The following IVD variants were observed in gnomAD, a reference collection of about 807,000 sequenced individuals.
IVD encodes isovaleryl-CoA dehydrogenase, also known as isovaleryl-CoA dehydrogenase, mitochondrial.
Under a neutral mutation model 51.3 loss-of-function variants are expected in IVD, and 31 were observed. The observed-to-expected ratio is 0.60, with a 90% CI of 0.45 to 0.81. IVD has a LOEUF of 0.81. IVD is among the 40% of genes least tolerant of loss of function. The pLI is 0.00. For missense variants in IVD, 475 were observed against 552.0 expected (o/e 0.86, Z 1.40); for synonymous variants, 205 against 219.4 (o/e 0.93, Z 0.58).
chr15:40,430,998 G>A (rs1892939238), intron 7 of IVD, among the ~76,000 whole-genome samples: 2 of 152,188 alleles, frequency 1.3e-5, no homozygotes, highest in South Asian at 2.1e-4. Flanking sequence ...ATTTGAATGA[G>A]TTGCTAACAG....
intron 7 of IVD, 31 bp from the exon 8 acceptor site, chr15:40,414,858 C>G (rs746878403): frequency 8.7e-6 from 14 of 1,613,316 alleles, no homozygotes; most frequent in Admixed American, 6.7e-5. Context: ...GTGGACAGCT[C>G]TCTCCCTCTG....
intron 9 of IVD, 41 bp downstream of exon 9, chr15:40,415,523 G>A (rs1291944509): frequency 6.4e-7 from 1 of 1,557,720 alleles, no homozygotes; most frequent in African/African-American, 1.4e-5. Flanking sequence ...CTTCAACTGG[G>A]CTAAAGTTTT....
rs1891951739 is a variant in IVD, at chr15:40,418,432, TGGGCCTCGCAGCC to T, written c.*176_*188del. Reference sequence around the variant, plus strand: ...TCTCCACAACAGCTCCCAAGCATCATGGGCCTCGCAGCCGGGCCTGTGCCACGGCTAGTGTTGT... The same window carrying T: ...TCTCCACAACAGCTCCCAAGCATCATGGGCCTGTGCCACGGCTAGTGTTGT... On this transcript the variant is annotated 3_prime_UTR_variant, in exon 12 of 12. Transcript: ENST00000487418. The T allele has an allele frequency of 6.6e-7, 1 of 1,523,660 alleles. No individual in the cohort carries two copies. The allele number at this position is 1,523,660 out of a possible 1,614,324, so 94.4% of individuals were successfully genotyped here. A position where few individuals can be genotyped will look rare whatever the true frequency, so the allele number is the denominator to read the frequency against.
chr15:40,419,401 C>T lies in IVD; in HGVS notation c.*1138C>T. On this transcript the variant is annotated 3_prime_UTR_variant, in exon 12 of 12. Transcript: ENST00000487418. ...TGGTGCACGTCTGTAATCCCAGCTACTCAGGAGGCTGAGGCAGGAGAATCA... is the reference window on the plus strand; with the variant it reads ...TGGTGCACGTCTGTAATCCCAGCTATTCAGGAGGCTGAGGCAGGAGAATCA... 1 of 350,262 alleles carries T rather than the reference C, an allele frequency of 2.9e-6. No homozygotes were observed. Among genetic ancestry groups the T allele is most frequent in the Non-Finnish European group, 5.4e-6 (1 of 184,610 alleles). 21.7% of individuals were successfully genotyped at this position (350,262 alleles called of 1,614,324 possible). A position where few individuals can be genotyped will look rare whatever the true frequency, so the allele number is the denominator to read the frequency against.
chr15:40,421,106 G>A lies in IVD; in HGVS notation c.*2843G>A, dbSNP rs567923322. On this transcript the variant is annotated 3_prime_UTR_variant, in exon 12 of 12. Transcript: ENST00000487418. Reference sequence around the variant, plus strand: ...ACTTCCTTGTCTTGCTCCCTGCTATGTTGGAGATGAATGTGACTAAAAGGG... The same window carrying A: ...ACTTCCTTGTCTTGCTCCCTGCTATATTGGAGATGAATGTGACTAAAAGGG... 2.2e-5 allele frequency: 22 copies of A among 985,422 alleles called. No homozygotes were observed. In the African/African-American group the frequency reaches 3.8e-4, roughly 17 times the overall value. 61.0% of individuals were successfully genotyped at this position (985,422 alleles called of 1,614,324 possible).
downstream of IVD, among the ~76,000 whole-genome samples, chr15:40,426,264 G>A (rs921537856): frequency 6.6e-6 from 1 of 152,064 alleles, no homozygotes; most frequent in Non-Finnish European, 1.5e-5. Context: ...CTGGCCAGAC[G>A]CGGTGGCTTA....
At position 40,421,147 on chromosome 15, in the gene IVD, A is replaced by C. The variant is rs1892262977; in HGVS notation, c.*2884A>C. ...ACTAAAAGGGCCATCTTGCTGGCTT[A>C]ATGTGTGGCTGGAGAGACCAGCCTG... On this transcript the variant is annotated 3_prime_UTR_variant, in exon 12 of 12. Coordinates refer to ENST00000487418, the MANE Select transcript of IVD (RefSeq NM_002225.5). 2.0e-6 allele frequency: 2 copies of C among 985,514 alleles called. No homozygotes were observed. Among genetic ancestry groups the C allele is most frequent in the Non-Finnish European group, 2.4e-6 (2 of 829,982 alleles). The allele number at this position is 985,514 out of a possible 1,614,324, so 61.0% of individuals were successfully genotyped here.
chr15:40,405,914 C>A lies in IVD; in HGVS notation c.87C>A (p.Ala29=), dbSNP rs751297903. Residue 29 remains alanine, a synonymous_variant, in exon 1 of 12, where the codon GCC becomes GCA. Transcript: ENST00000487418. Reference sequence around the variant, plus strand: ...TTGCCGGCTTCGTTTCCCAGCGGGCCCACTCGCTTTTGCCCGTGGACGATG... The same window carrying A: ...TTGCCGGCTTCGTTTCCCAGCGGGCACACTCGCTTTTGCCCGTGGACGATG... The part of the protein sequence containing the change: ...PPLAGFVSQR[A]HSLLPVDDAI... 6.2e-7 allele frequency: 1 copy of A among 1,613,190 alleles called. No individual in the cohort carries two copies. The highest frequency in any genetic ancestry group is 2.2e-5 in the East Asian group (1 of 44,880).
intron 6 of IVD, among the ~76,000 whole-genome samples, 156 bp downstream of exon 6, chr15:40,411,847 A>G (rs1891123723): frequency 1.3e-5 from 2 of 152,232 alleles, no homozygotes; most frequent in Non-Finnish European, 2.9e-5. Context: ...AAGGAGGGTG[A>G]CCAAAAGTCC....
chr15:40,422,498 T>C (rs978870525), downstream of IVD, among the ~76,000 whole-genome samples: 2 of 149,572 alleles, frequency 1.3e-5, no homozygotes, highest in Non-Finnish European at 3.0e-5. Flanking sequence ...TTAGCCAGGA[T>C]GGTCTCGATC....
chr15:40,418,449 C>T lies in IVD; in HGVS notation c.*186C>T. 9 of 1,485,788 alleles carry T rather than the reference C, an allele frequency of 6.1e-6. No homozygotes were observed. The highest frequency in any genetic ancestry group is 1.3e-5 in the South Asian group (1 of 79,350). The allele number at this position is 1,485,788 out of a possible 1,614,324, so 92.0% of individuals were successfully genotyped here. On this transcript the variant is annotated 3_prime_UTR_variant, in exon 12 of 12. Transcript: ENST00000487418. ...AAGCATCATGGGCCTCGCAGCCGGG[C>T]CTGTGCCACGGCTAGTGTTGTGTGA...
intron 8 of IVD, among the ~76,000 whole-genome samples, chr15:40,434,863 T>G (rs1893180544): frequency 6.6e-6 from 1 of 152,230 alleles, no homozygotes; most frequent in South Asian, 2.1e-4. Flanking sequence ...GAGGCTTCAC[T>G]GACACCCTCA....
At position 40,405,986 on chromosome 15, in the gene IVD, C is replaced by T; in HGVS notation, c.144+15C>T. The T allele has an allele frequency of 1.3e-6, 2 of 1,543,374 alleles. No individual in the cohort carries two copies. Among genetic ancestry groups the T allele is most frequent in the South Asian group, 2.3e-5 (2 of 87,576 alleles). ...AGCAGAGGCAGGTGAGGAGACTGACCCCCTTCCTGGCCCCAAGGCCTCCTT... is the reference window on the plus strand; with the variant it reads ...AGCAGAGGCAGGTGAGGAGACTGACTCCCTTCCTGGCCCCAAGGCCTCCTT... On this transcript the variant is annotated intron_variant, in intron 1 of 11. Coordinates refer to ENST00000487418, the MANE Select transcript of IVD (RefSeq NM_002225.5).
At chr15:40,435,528 C>G (rs1893222130) in exon 9 of IVD, 2 of 1,234,262 alleles carry the variant, frequency 1.6e-6, no homozygotes, top group Non-Finnish European at 2.1e-6. Flanking sequence ...ATCCTCCTGC[C>G]TGAACTCACA....
At chr15:40,408,817 G>A (rs1890744692) in intron 3 of IVD, among the ~76,000 whole-genome samples, 1 of 152,094 alleles carries the variant, frequency 6.6e-6, no homozygotes, top group South Asian at 2.1e-4. Flanking sequence ...GGTCATGGTG[G>A]TACATCCCTG....
chr15:40,408,573 GA>G (rs1890714388), intron 3 of IVD, among the ~76,000 whole-genome samples: 1 of 152,170 alleles, frequency 6.6e-6, no homozygotes, highest in African/African-American at 2.4e-5. Flanking sequence ...TGTCCGGAGG[GA>G]GAAGGCAGGG....
At position 40,418,067 on chromosome 15, in the gene IVD, T is replaced by C. The variant is rs1195464059; in HGVS notation, c.1139-63T>C. ...TGGCCTGTTTCTATATACTTGGCAT[T>C]CTGTTTGCTTTCTTTGTTTTGTCAA... On this transcript the variant is annotated intron_variant, in intron 11 of 11. Transcript: ENST00000487418. 2.5e-6 allele frequency: 4 copies of C among 1,607,598 alleles called. No homozygotes were observed. In the African/African-American group the frequency reaches 5.4e-5, roughly 22 times the overall value.
At chr15:40,422,504 C>T (rs113215729), downstream of IVD, among the ~76,000 whole-genome samples, 185 of 148,862 alleles carry the variant, frequency 1.2e-3, no homozygotes, top group African/African-American at 4.4e-3. Context: ...AGGATGGTCT[C>T]GATCTCCCGA....
At chr15:40,411,161 T>C (rs558254025) in intron 4 of IVD, 99 bp from the exon 5 acceptor site, 2 of 1,182,866 alleles carry the variant, frequency 1.7e-6, no homozygotes, top group Non-Finnish European at 2.5e-6. Flanking sequence ...GAGAGCGAAG[T>C]TTGAAGGGGT....
Sources: gnomAD v4.1 joint callset for allele counts (sites outside exome capture counted in the v4.1 genomes callset) on GRCh38, gnomAD v4.1.1 for gene constraint, MANE v1.5 for transcripts, NCBI Gene and HGNC (gene_info 2026-07-23, HGNC 2026-07-21) for gene names.